AP1B1: variants seen among roughly 807,000 people sequenced by gnomAD.
The protein encoded by AP1B1 is adaptor related protein complex 1 subunit beta 1, also known as AP-1 complex subunit beta-1.
Under a neutral mutation model 104.3 loss-of-function variants are expected in AP1B1, and 36 were observed. That is an observed-to-expected ratio of 0.35 (90% confidence interval 0.26 to 0.46). The LOEUF (loss-of-function observed/expected upper bound fraction) is 0.46, where lower values mean the gene tolerates loss of function less well. AP1B1 is among the 20% of genes least tolerant of loss of function. The probability of loss-of-function intolerance (pLI) is 1.00; values close to 1 mark genes in which losing one functional copy is unlikely to be tolerated. For synonymous variants in AP1B1, 504 were observed against 517.5 expected, an observed-to-expected ratio of 0.97 and a Z score of 0.35; for missense variants, 901 against 1,247.9, an observed-to-expected ratio of 0.72 and a Z score of 4.19.
At chr22:29,340,234 T>A (rs1401735460) in intron 14 of AP1B1, among the ~76,000 whole-genome samples, 1 of 152,186 alleles carries the variant, frequency 6.6e-6, no homozygotes, top group Non-Finnish European at 1.5e-5. Flanking sequence ...CAAATAGGCC[T>A]GGATGGGCTG....
chr22:29,341,069 G>C (rs1456174049), intron 13 of AP1B1, among the ~76,000 whole-genome samples: 2 of 152,226 alleles, frequency 1.3e-5, no homozygotes, highest in Non-Finnish European at 2.9e-5. Flanking sequence ...TGAAGGGAGA[G>C]GGCCGCCTGC....
At chr22:29,342,817 A>C (rs1602711445) in intron 11 of AP1B1, among the ~76,000 whole-genome samples, 1 of 152,222 alleles carries the variant, frequency 6.6e-6, no homozygotes, top group East Asian at 1.9e-4. Flanking sequence ...CCTGCCGTCA[A>C]GGACCTGTGC....
At chr22:29,359,131 C>G (rs185935526) in intron 4 of AP1B1, among the ~76,000 whole-genome samples, 160 bp from the exon 5 acceptor site, 21 of 152,326 alleles carry the variant, frequency 1.4e-4, no homozygotes, top group Non-Finnish European at 2.4e-4. Flanking sequence ...AAAGTAAATG[C>G]TATATAACCA....
At chr22:29,359,768 G>A (rs548920439) in intron 4 of AP1B1, 56 bp downstream of exon 4, 3 of 1,570,708 alleles carry the variant, frequency 1.9e-6, no homozygotes, top group African/African-American at 2.7e-5. Flanking sequence ...AAGAGACTGA[G>A]GGGAGACAGA....
Position 29,330,727 on chromosome 22 carries a change from TG to T in AP1B1, c.2525-19del. 6.2e-7 allele frequency: 1 copy of T among 1,605,474 alleles called. No individual in the cohort carries two copies. ...CTGCCGGTCTGCGGGGTGAGCAGGG[TG>T]GGGATGAGAGGCGAGCCCCTCATAA... On this transcript the variant is annotated intron_variant, in intron 19 of 22. Coordinates refer to ENST00000357586, the MANE Select transcript of AP1B1 (RefSeq NM_001127.4).
intron 21 of AP1B1, 103 bp from the exon 22 acceptor site, chr22:29,329,823 C>A: frequency 6.4e-7 from 1 of 1,569,026 alleles, no homozygotes; most frequent in Non-Finnish European, 8.7e-7. Context: ...CACCGACCAG[C>A]ACTGCCAGCA....
chr22:29,328,752 G>C lies in AP1B1; in HGVS notation c.*69C>G. 1 of 1,544,650 alleles carries C rather than the reference G, an allele frequency of 6.5e-7. No homozygotes were observed. The highest frequency in any genetic ancestry group is 8.7e-7 in the Non-Finnish European group (1 of 1,143,518). On this transcript the variant is annotated 3_prime_UTR_variant, in exon 23 of 23. Transcript: ENST00000357586. The surrounding 1 kb of genome is among the most constrained non-coding windows in gnomAD (Gnocchi z 4.1). ...GCCTGGTCCCTCCTGCGAGGAGGAA[G>C]ATGTGCTGCCCCCGAGGGGCCTCCT... is the stretch of plus-strand genomic sequence containing the variant.
At position 29,341,695 on chromosome 22, in the gene AP1B1, C is replaced by T. The variant is rs767060711; in HGVS notation, c.1602G>A (p.Pro534=). The T allele has an allele frequency of 5.5e-5, 89 of 1,614,122 alleles. No individual in the cohort carries two copies. Among genetic ancestry groups the T allele is most frequent in the Non-Finnish European group, 7.1e-5 (84 of 1,179,986 alleles). Residue 534 remains proline, a synonymous_variant, in exon 13 of 23, where the codon CCG becomes CCA. Transcript: ENST00000357586. ...CCAACACCACCTCCTTGGCTGCCAC[C>T]GGGTCCGTGGACAGCAGGCGCCAGT... ...YIYWRLLSTD[P]VAAKEVVLAE...
At position 29,349,271 on chromosome 22, in the gene AP1B1, C is replaced by T. The variant is rs758965380; in HGVS notation, c.1384G>A (p.Ala462Thr). ...AGGAAGCTCTCCAGCAGCTCATCTG[C>T]GTTGTCGATCCGTTCCGCGTACTCG... The part of the protein sequence containing the change: ...VGEYAERIDN[A>T]DELLESFLEG... The change falls in exon 11 of 23, where the codon GCA becomes ACA. Residue 462 changes from alanine to threonine, a missense_variant. Coordinates refer to ENST00000357586, the MANE Select transcript of AP1B1 (RefSeq NM_001127.4). 12 of 1,613,982 alleles carry T rather than the reference C, an allele frequency of 7.4e-6. No homozygotes were observed. The highest frequency in any genetic ancestry group is 1.7e-5 in the Admixed American group (1 of 60,034).
chr22:29,337,574 G>C (rs1237840398), intron 16 of AP1B1, among the ~76,000 whole-genome samples: 1 of 152,204 alleles, frequency 6.6e-6, no homozygotes, highest in Non-Finnish European at 1.5e-5. Context: ...CCTCAGAAGA[G>C]AGAGGGGAGC....
intron 3 of AP1B1, among the ~76,000 whole-genome samples, chr22:29,362,175 G>A (rs2062058436): frequency 2.0e-5 from 3 of 152,170 alleles, no homozygotes; most frequent in Admixed American, 6.5e-5. Flanking sequence ...TGCGGCAGCC[G>A]CTCTACACAC....
At chr22:29,329,535 C>T in intron 22 of AP1B1, 177 bp downstream of exon 22, 1 of 1,465,548 alleles carries the variant, frequency 6.8e-7, no homozygotes, top group Non-Finnish European at 9.0e-7. Context: ...TCTGTGCACA[C>T]TGTGAATGTG....
intron 11 of AP1B1, among the ~76,000 whole-genome samples, chr22:29,348,616 G>A (rs542815622): frequency 2.2e-4 from 34 of 152,282 alleles, no homozygotes; most frequent in Admixed American, 1.8e-3. Flanking sequence ...AAAAACGTTG[G>A]GTCTAGATGC....
chr22:29,334,164 C>A, intron 17 of AP1B1, 101 bp downstream of exon 17: 9 of 1,220,114 alleles, frequency 7.4e-6, no homozygotes, highest in Non-Finnish European at 8.9e-6. Flanking sequence ...GCCCTCCCCT[C>A]TACAGCCCCC....
At chr22:29,330,127 C>T in intron 21 of AP1B1, 2 of 1,424,908 alleles carry the variant, frequency 1.4e-6, no homozygotes. Flanking sequence ...ACTGCACCAC[C>T]TTACAGGGCC....
At chr22:29,339,379 C>T (rs1468460387) in intron 15 of AP1B1, among the ~76,000 whole-genome samples, 1 of 152,084 alleles carries the variant, frequency 6.6e-6, no homozygotes, top group Non-Finnish European at 1.5e-5. Context: ...GGGGACACTC[C>T]CAAATTGACG....
Position 29,356,496 on chromosome 22 carries a change from C to T in AP1B1, c.646G>A (p.Glu216Lys), listed in dbSNP as rs1365712679. Residue 216 changes from glutamate to lysine, a missense_variant, in exon 6 of 23, where the codon GAG becomes AAG. Transcript: ENST00000357586. ...TCCAGGATGAAGATCTGGCCCCACT[C>T]GGTGCACTCATTGAGGGCTGTCAGC... is the stretch of plus-strand genomic sequence containing the variant. ...KLLTALNECT[E>K]WGQIFILDCL... is the part of the protein sequence containing the mutation. 3.1e-6 allele frequency: 5 copies of T among 1,614,092 alleles called. No homozygotes were observed. Among genetic ancestry groups the T allele is most frequent in the Non-Finnish European group, 4.2e-6 (5 of 1,180,036 alleles).
intron 13 of AP1B1, among the ~76,000 whole-genome samples, chr22:29,341,130 G>A (rs1017906806): frequency 2.0e-5 from 3 of 152,242 alleles, no homozygotes; most frequent in African/African-American, 7.2e-5. Flanking sequence ...AGTGCCCTAG[G>A]ACGGTGCCAC....
In AP1B1 at chr22:29,330,238, G is replaced by T. The variant is rs755054207; in HGVS notation, c.2766+140C>A. ...GTTGATTTGGAAGCTTTCTAGAAAG[G>T]TCCTTCTCAGGGACCAAACTGATTC... On this transcript the variant is annotated intron_variant, in intron 21 of 22. Coordinates refer to ENST00000357586, the MANE Select transcript of AP1B1 (RefSeq NM_001127.4). The T allele has an allele frequency of 1.7e-5, 25 of 1,495,404 alleles. No homozygotes were observed. In the East Asian group the frequency reaches 2.5e-4, roughly 15 times the overall value. The allele number at this position is 1,495,404 out of a possible 1,614,324, so 92.6% of individuals were successfully genotyped here. A position where few individuals can be genotyped will look rare whatever the true frequency, so the allele number is the denominator to read the frequency against.
Sources: gnomAD v4.1 joint callset for allele counts (sites outside exome capture counted in the v4.1 genomes callset) on GRCh38, gnomAD v4.1.1 for gene constraint, Gnocchi (gnomAD v3.1) non-coding constraint, MANE v1.5 for transcripts, NCBI Gene and HGNC (gene_info 2026-07-23, HGNC 2026-07-21) for gene names.